Variants in TMEM117 observed in about 807,000 individuals in gnomAD.
The protein encoded by TMEM117 is transmembrane protein 117.
Under a neutral mutation model 52.4 loss-of-function variants are expected in TMEM117, and 27 were observed. That is an observed-to-expected ratio of 0.51 (90% CI 0.38 to 0.71). The LOEUF (loss-of-function observed/expected upper bound fraction) is 0.71. Ranked by LOEUF, TMEM117 falls within the 30% of genes least tolerant of loss-of-function variation. The pLI is 0.00. For missense variants in TMEM117, 556 were observed against 630.5 expected, an observed-to-expected ratio of 0.88 and a Z score of 1.26; for synonymous variants, 215 against 206.3, an observed-to-expected ratio of 1.04 and a Z score of -0.36.
chr12:43,866,624 C>CA lies in TMEM117; in HGVS notation c.277+21697dup, dbSNP rs148865785. Among the ~76,000 whole-genome samples the CA allele has an allele frequency of 7.6e-3, 1,154 of 152,180 alleles. 24 individuals are homozygous for CA. Among genetic ancestry groups the CA allele is most frequent in the African/African-American group, 0.026 (1,078 of 41,520 alleles). ...ACACTTTTCAAACAAATCAACAAGACAGTTATCTATAGCAGACCTGCTCTA... is the reference window on the plus strand; with the variant it reads ...ACACTTTTCAAACAAATCAACAAGACAAGTTATCTATAGCAGACCTGCTCTA... On this transcript the variant is annotated intron_variant, in intron 2 of 7. Transcript: ENST00000266534.
intron 2 of TMEM117, among the ~76,000 whole-genome samples, chr12:43,855,322 G>C (rs1943381628): frequency 6.6e-6 from 1 of 151,794 alleles, no homozygotes; most frequent in African/African-American, 2.4e-5. Flanking sequence ...GAGTGCAGTG[G>C]TGTGATCTTG....
chr12:43,885,285 G>C (rs1230953270), intron 2 of TMEM117, among the ~76,000 whole-genome samples: 1 of 152,184 alleles, frequency 6.6e-6, no homozygotes, highest in Non-Finnish European at 1.5e-5. Flanking sequence ...AGATCAGCAT[G>C]CCCTGTGCCT....
At chr12:44,180,688 AT>A (rs1291581007) in intron 4 of TMEM117, among the ~76,000 whole-genome samples, 1 of 151,902 alleles carries the variant, frequency 6.6e-6, no homozygotes, top group African/African-American at 2.4e-5. Context: ...TGAACTCATC[AT>A]TTTTTATGGC....
At chr12:44,255,115 A>G (rs1197387900) in intron 5 of TMEM117, among the ~76,000 whole-genome samples, 1 of 152,190 alleles carries the variant, frequency 6.6e-6, no homozygotes, top group Admixed American at 6.6e-5. Flanking sequence ...GCCACAATAA[A>G]CATACGTGTG....
intron 7 of TMEM117, among the ~76,000 whole-genome samples, chr12:44,384,442 C>G (rs961326229): frequency 4.6e-5 from 7 of 152,194 alleles, no homozygotes; most frequent in Middle Eastern, 3.4e-3. Flanking sequence ...GGCCTCTCTT[C>G]TGTGGGGGAG....
intron 2 of TMEM117, among the ~76,000 whole-genome samples, chr12:43,880,844 A>G (rs1943883281): frequency 6.6e-6 from 1 of 152,254 alleles, no homozygotes; most frequent in African/African-American, 2.4e-5. Flanking sequence ...ATAAGAAGTC[A>G]ACCCTTTTCA....
intron 6 of TMEM117, among the ~76,000 whole-genome samples, chr12:44,345,321 A>C (rs1951471031): frequency 6.6e-6 from 1 of 152,054 alleles, no homozygotes; most frequent in South Asian, 2.1e-4. Flanking sequence ...TCTTCAGGGC[A>C]TATTCCCCTC....
At chr12:43,896,898 G>A (rs913867533) in intron 2 of TMEM117, among the ~76,000 whole-genome samples, 1 of 152,148 alleles carries the variant, frequency 6.6e-6, no homozygotes, top group Non-Finnish European at 1.5e-5. Flanking sequence ...ATATATTTTT[G>A]TGTCAGGCAA....
chr12:44,061,768 A>G (rs1298989527), intron 3 of TMEM117, among the ~76,000 whole-genome samples: 1 of 152,102 alleles, frequency 6.6e-6, no homozygotes, highest in Non-Finnish European at 1.5e-5. Context: ...GTTGTTTTAT[A>G]TTGGTTTAAG....
chr12:44,254,125 T>C (rs889213612), intron 5 of TMEM117, among the ~76,000 whole-genome samples: 3 of 151,016 alleles, frequency 2.0e-5, no homozygotes, highest in African/African-American at 7.3e-5. Flanking sequence ...GTGTGAGGAG[T>C]TGAGAACTGT....
chr12:44,271,007 G>A (rs983595972), intron 5 of TMEM117, among the ~76,000 whole-genome samples: 1 of 151,890 alleles, frequency 6.6e-6, no homozygotes, highest in African/African-American at 2.4e-5. Flanking sequence ...CCTGTTTCCT[G>A]GGTATGAAAC....
chr12:44,389,772 G>A (rs1471782435), downstream of TMEM117: 1 of 152,206 alleles, frequency 6.6e-6, no homozygotes, highest in Non-Finnish European at 1.5e-5. Context: ...ATTATGTGAT[G>A]TAGTTTTTTG....
chr12:44,325,641 C>T (rs1354540331), intron 6 of TMEM117, among the ~76,000 whole-genome samples: 1 of 151,790 alleles, frequency 6.6e-6, no homozygotes, highest in Non-Finnish European at 1.5e-5. Flanking sequence ...AGAAATTACC[C>T]CTTTTCCTGT....
intron 3 of TMEM117, among the ~76,000 whole-genome samples, chr12:44,050,037 A>C (rs1344332211): frequency 1.3e-5 from 2 of 152,222 alleles, no homozygotes; most frequent in Non-Finnish European, 2.9e-5. Flanking sequence ...AACAATCAAT[A>C]ATTCACAATT....
At chr12:44,106,647 A>G (rs1339085685) in intron 3 of TMEM117, among the ~76,000 whole-genome samples, 1 of 152,002 alleles carries the variant, frequency 6.6e-6, no homozygotes, top group African/African-American at 2.4e-5. Flanking sequence ...TACAAATATA[A>G]TTTGTCAATT....
intron 6 of TMEM117, among the ~76,000 whole-genome samples, chr12:44,366,756 A>G (rs186422729): frequency 3.3e-4 from 50 of 152,260 alleles, no homozygotes; most frequent in Non-Finnish European, 1.9e-4. Context: ...ATGAAACCAG[A>G]AAGAAACCAC....
intron 5 of TMEM117, among the ~76,000 whole-genome samples, chr12:44,270,895 T>G (rs1950437891): frequency 1.3e-5 from 2 of 152,130 alleles, no homozygotes; most frequent in South Asian, 4.1e-4. Flanking sequence ...TATTTATAAT[T>G]ATGTTTATCT....
At chr12:44,137,924 G>T (rs1948515718) in intron 3 of TMEM117, among the ~76,000 whole-genome samples, 2 of 152,172 alleles carry the variant, frequency 1.3e-5, no homozygotes, top group African/African-American at 4.8e-5. Context: ...ATGGAAGCCA[G>T]TAGGCCAGAA....
At chr12:43,959,108 A>G (rs981065546) in intron 3 of TMEM117, among the ~76,000 whole-genome samples, 2 of 152,158 alleles carry the variant, frequency 1.3e-5, no homozygotes, top group African/African-American at 2.4e-5. Flanking sequence ...CGCCCGGCCA[A>G]AATGCATGGT....
Sources: gnomAD v4.1 joint callset for allele counts (sites outside exome capture counted in the v4.1 genomes callset) on GRCh38, gnomAD v4.1.1 for gene constraint, MANE v1.5 for transcripts, NCBI Gene and HGNC (gene_info 2026-07-23, HGNC 2026-07-21) for gene names.